PCDH15: variants seen among roughly 807,000 people sequenced by gnomAD.
PCDH15 encodes the protein protocadherin related 15.
In PCDH15, 129 loss-of-function variants were observed where a neutral mutation model predicts 178.5. That is an observed-to-expected ratio of 0.72 (90% CI 0.63 to 0.84). PCDH15 has a LOEUF of 0.84. Among genes scored for constraint, PCDH15 ranks in the 40% least tolerant of loss-of-function variants. The pLI is 0.00. For missense variants in PCDH15, 2,230 were observed against 2,099.9 expected (o/e 1.06, Z -1.21); for synonymous variants, 800 against 732.0 (o/e 1.09, Z -1.50).
chr10:54,090,492 A>C (rs1017353113), intron 15 of PCDH15, among the ~76,000 whole-genome samples: 5 of 151,800 alleles, frequency 3.3e-5, no homozygotes, highest in African/African-American at 1.2e-4. Context: ...AAAACACAAG[A>C]AGTTACCCGG....
chr10:54,317,112 T>C (rs1422693006), intron 8 of PCDH15, among the ~76,000 whole-genome samples, 159 bp downstream of exon 8: 1 of 152,232 alleles, frequency 6.6e-6, no homozygotes, highest in Non-Finnish European at 1.5e-5. Context: ...GTTAAAAATG[T>C]ATTCATACTC....
chr10:54,165,030 A>G (rs2046078334), intron 13 of PCDH15, among the ~76,000 whole-genome samples: 1 of 152,140 alleles, frequency 6.6e-6, no homozygotes, highest in Non-Finnish European at 1.5e-5. Context: ...AAATGATATA[A>G]TGGGTTTGCT....
At chr10:55,115,603 GT>G (rs1419945415) in intron 2 of PCDH15, among the ~76,000 whole-genome samples, 2 of 152,128 alleles carry the variant, frequency 1.3e-5, no homozygotes, top group Non-Finnish European at 2.9e-5. Flanking sequence ...TGGAGAACTA[GT>G]TAAAATGGGC....
intron 25 of PCDH15, among the ~76,000 whole-genome samples, chr10:53,930,247 A>C (rs2084928330): frequency 6.6e-6 from 1 of 151,974 alleles, no homozygotes; most frequent in Non-Finnish European, 1.5e-5. Context: ...TCACGAGGTC[A>C]GGAGATCGAG....
chr10:54,796,299 TA>T (rs1378011914), intron 1 of PCDH15, among the ~76,000 whole-genome samples: 1 of 149,782 alleles, frequency 6.7e-6, no homozygotes, highest in Non-Finnish European at 1.5e-5. Context: ...TCTATCTATC[TA>T]TCTATCTATC....
intron 3 of PCDH15, among the ~76,000 whole-genome samples, chr10:54,484,215 T>C (rs1456549915): frequency 1.3e-5 from 2 of 151,922 alleles, no homozygotes; most frequent in Non-Finnish European, 2.9e-5. Context: ...CTCTATAATG[T>C]GAACAGAGCA....
intron 1 of PCDH15, among the ~76,000 whole-genome samples, chr10:55,310,313 G>A (rs536071504): frequency 1.2e-4 from 18 of 150,414 alleles, no homozygotes; most frequent in South Asian, 2.1e-4. Flanking sequence ...TAAATTTTTC[G>A]TAATTATTCT....
intron 4 of PCDH15, among the ~76,000 whole-genome samples, chr10:54,373,148 A>C (rs1376647616): frequency 6.6e-6 from 1 of 151,944 alleles, no homozygotes; most frequent in Non-Finnish European, 1.5e-5. Flanking sequence ...CTTCAATCCA[A>C]TATATTTTTT....
At chr10:55,383,108 T>C (rs571606537) in intron 2 of PCDH15, among the ~76,000 whole-genome samples, 34 of 152,196 alleles carry the variant, frequency 2.2e-4, no homozygotes, top group Non-Finnish European at 4.4e-4. Flanking sequence ...AGGATTTTAT[T>C]AAGTGATGGG....
chr10:55,617,341 T>C (rs1191330911), intron 2 of PCDH15, among the ~76,000 whole-genome samples: 1 of 152,180 alleles, frequency 6.6e-6, no homozygotes, highest in African/African-American at 2.4e-5. Flanking sequence ...ATACTCGTCT[T>C]ATAAAAAGAT....
chr10:54,098,092 AAAAC>A (rs754362962), intron 15 of PCDH15, among the ~76,000 whole-genome samples: 14 of 152,130 alleles, frequency 9.2e-5, no homozygotes, highest in Non-Finnish European at 1.9e-4. Flanking sequence ...AAAACAAAAC[AAAAC>A]AAACAAAAAA....
chr10:54,480,254 T>C (rs897227920), intron 3 of PCDH15, among the ~76,000 whole-genome samples: 2 of 152,092 alleles, frequency 1.3e-5, no homozygotes, highest in African/African-American at 2.4e-5. Flanking sequence ...TTTTAGAATC[T>C]ATGCCAGTGG....
In PCDH15 at chr10:55,092,373, G is replaced by A. The variant is rs151116515; in HGVS notation, c.-80+74203C>T. On this transcript the variant is annotated intron_variant, in intron 2 of 5. Transcript: ENST00000458638. ...TATTTTTTCTTTTTAAGAGCAGCTT[G>A]TGAGACTTCACTTATCTTTCATGAA... is the stretch of plus-strand genomic sequence containing the variant. Among the ~76,000 whole-genome samples the A allele has an allele frequency of 1.6e-3, 247 of 151,908 alleles. 2 individuals carry two copies. Among genetic ancestry groups the A allele is most frequent in the African/African-American group, 5.8e-3 (241 of 41,508 alleles).
At chr10:54,479,690 T>C (rs564839812) in intron 3 of PCDH15, among the ~76,000 whole-genome samples, 2 of 152,140 alleles carry the variant, frequency 1.3e-5, no homozygotes, top group East Asian at 3.9e-4. Context: ...CATATAACTT[T>C]GCAGTTCCTT....
intron 5 of PCDH15, among the ~76,000 whole-genome samples, chr10:54,357,100 C>T (rs1945137071): frequency 6.6e-6 from 1 of 152,082 alleles, no homozygotes; most frequent in Non-Finnish European, 1.5e-5. Flanking sequence ...AAAATGGGCA[C>T]AAGACAGGGA....
chr10:55,373,629 A>G (rs1283425447), intron 2 of PCDH15, among the ~76,000 whole-genome samples: 2 of 152,048 alleles, frequency 1.3e-5, no homozygotes, highest in African/African-American at 4.8e-5. Flanking sequence ...GAGATCAGAG[A>G]GGCTCTTATG....
intron 2 of PCDH15, among the ~76,000 whole-genome samples, chr10:55,400,027 G>A (rs1838025578): frequency 6.6e-6 from 1 of 152,038 alleles, no homozygotes; most frequent in Non-Finnish European, 1.5e-5. Context: ...ATTCAATATT[G>A]TTTGGGTATA....
chr10:54,092,530 A>G (rs1191045518), intron 15 of PCDH15, among the ~76,000 whole-genome samples: 2 of 152,162 alleles, frequency 1.3e-5, no homozygotes, highest in African/African-American at 4.8e-5. Flanking sequence ...GCCAGGGTAA[A>G]ATATTTTTGA....
At chr10:54,403,237 T>C (rs1287375949) in intron 3 of PCDH15, among the ~76,000 whole-genome samples, 1 of 151,610 alleles carries the variant, frequency 6.6e-6, no homozygotes, top group Non-Finnish European at 1.5e-5. Flanking sequence ...CTGAGAGAGG[T>C]GAGGAAGCCA....
Sources: gnomAD v4.1 joint callset for allele counts (sites outside exome capture counted in the v4.1 genomes callset) on GRCh38, gnomAD v4.1.1 for gene constraint, MANE v1.5 for transcripts, NCBI Gene and HGNC (gene_info 2026-07-23, HGNC 2026-07-21) for gene names.